The following CENPI variants were observed in gnomAD, a reference collection of about 807,000 sequenced individuals.
The protein encoded by CENPI is FSH primary response 1.
A neutral mutation model predicts 60.4 loss-of-function variants in CENPI; 4 were observed. That is an observed-to-expected ratio of 0.07 (90% CI 0.03 to 0.15). The LOEUF is 0.15. Among genes scored for constraint, CENPI ranks in the 10% least tolerant of loss-of-function variants. The pLI, the probability that CENPI is intolerant of heterozygous loss-of-function variation, is 1.00. For missense variants in CENPI, 444 were observed against 534.5 expected, an observed-to-expected ratio of 0.83 and a Z score of 1.67; for synonymous variants, 157 against 189.4, an observed-to-expected ratio of 0.83 and a Z score of 1.40.
intron 16 of CENPI, 88 bp from the exon 17 acceptor site, chrX:101,144,976 C>T: frequency 1.3e-6 from 1 of 774,845 alleles, no homozygotes; most frequent in Non-Finnish European, 1.8e-6. Context: ...TCCTCACCAA[C>T]ATTTTGCTTT....
At chrX:101,149,198 T>C (rs1317203619) in intron 20 of CENPI, among the ~76,000 whole-genome samples, 1 of 111,697 alleles carries the variant, frequency 9.0e-6, no homozygotes, top group Non-Finnish European at 1.9e-5. Context: ...TCAGCAGACT[T>C]TTCTTGTAGA....
intron 15 of CENPI, among the ~76,000 whole-genome samples, chrX:101,135,804 T>A (rs774159102): frequency 8.1e-5 from 9 of 111,791 alleles, no homozygotes; most frequent in African/African-American, 2.9e-4. Context: ...TACTGCAACC[T>A]CCGCCTAGCG....
chrX:101,136,019 G>A (rs1272982227), intron 15 of CENPI, among the ~76,000 whole-genome samples: 3 of 112,204 alleles, frequency 2.7e-5, no homozygotes, highest in Non-Finnish European at 5.6e-5. Context: ...CACTGTGCCC[G>A]ACCTGTATAT....
At chrX:101,162,468 A>AT (rs1459488102) in intron 21 of CENPI, among the ~76,000 whole-genome samples, 29 of 90,767 alleles carry the variant, frequency 3.2e-4, no homozygotes, top group African/African-American at 1.1e-3. Flanking sequence ...AAAAAAAAAA[A>AT]AAAAAATATA....
chrX:101,134,996 A>G (rs1454748403), intron 15 of CENPI, among the ~76,000 whole-genome samples: 3 of 108,388 alleles, frequency 2.8e-5, no homozygotes, highest in African/African-American at 1.0e-4. Context: ...TCTGGGCAAC[A>G]GAACAAGATT....
intron 4 of CENPI, among the ~76,000 whole-genome samples, chrX:101,109,085 T>TG (rs1171721400): frequency 1.1e-5 from 1 of 94,432 alleles, no homozygotes. Context: ...GTTTTTTTTT[T>TG]TTTTTTTTTT....
At chrX:101,140,361 G>A (rs931035140) in intron 15 of CENPI, among the ~76,000 whole-genome samples, 5 of 112,306 alleles carry the variant, frequency 4.5e-5, no homozygotes, top group Non-Finnish European at 9.4e-5. Flanking sequence ...TGATAAAGAT[G>A]CTGTTTTTAT....
the CENPI span, among the ~76,000 whole-genome samples, chrX:101,176,617 GGTTT>G: frequency 2.7e-5 from 3 of 111,285 alleles, no homozygotes; most frequent in East Asian, 2.8e-4. Flanking sequence ...CTTTTTAATG[GGTTT>G]GTTTGTTTTA....
rs376213076 is a variant in CENPI, at chrX:101,115,057, G to A, written c.591+5059G>A. 3.9e-4 allele frequency among the ~76,000 whole-genome samples: 42 copies of A among 107,527 alleles called. 1 individual carries two copies. In the East Asian group the frequency reaches 6.8e-3, roughly 17 times the overall value. The allele number at this position is 107,527 out of a possible 115,157, so 93.4% of individuals were successfully genotyped here. A position where few individuals can be genotyped will look rare whatever the true frequency, so the allele number is the denominator to read the frequency against. ...CAGCTCACTGCAACGTCCACCTCCCGGGTTCAAGTGATTCTCCTGCCTCAG... is the reference window on the plus strand; with the variant it reads ...CAGCTCACTGCAACGTCCACCTCCCAGGTTCAAGTGATTCTCCTGCCTCAG... On this transcript the variant is annotated intron_variant, in intron 6 of 21. Coordinates refer to ENST00000682095, the MANE Select transcript of CENPI (RefSeq NM_001386188.2).
intron 4 of CENPI, among the ~76,000 whole-genome samples, chrX:101,106,106 C>T (rs1180601506): frequency 9.0e-6 from 1 of 111,219 alleles, no homozygotes. Context: ...AATTAAGTCA[C>T]TTGGAAGTAA....
chrX:101,169,039 T>C (rs1344171626), downstream of CENPI, among the ~76,000 whole-genome samples: 1 of 111,850 alleles, frequency 8.9e-6, no homozygotes, highest in African/African-American at 3.2e-5. Context: ...CTATGTTTAA[T>C]TAAAGGGAGA....
intron 8 of CENPI, among the ~76,000 whole-genome samples, chrX:101,126,273 A>G (rs1173111008): frequency 8.9e-6 from 1 of 112,008 alleles, no homozygotes; most frequent in Admixed American, 9.5e-5. Context: ...TGGCATACCA[A>G]TTGTAATTTC....
At chrX:101,173,607 C>G in the CENPI span, among the ~76,000 whole-genome samples, 7 of 110,413 alleles carry the variant, frequency 6.3e-5, no homozygotes, top group African/African-American at 2.0e-4. Context: ...TCAGAAATGA[C>G]AAAGATTACA....
the CENPI span, among the ~76,000 whole-genome samples, chrX:101,173,011 A>ATTTTTTTTTT: frequency 4.4e-5 from 3 of 68,693 alleles, no homozygotes; most frequent in African/African-American, 6.1e-5. Flanking sequence ...AGTTGTAGGA[A>ATTTTTTTTTT]TTTTTTTTTT....
chrX:101,132,691 C>T (rs1043583818), intron 15 of CENPI, among the ~76,000 whole-genome samples: 2 of 111,456 alleles, frequency 1.8e-5, no homozygotes, highest in Non-Finnish European at 3.8e-5. Flanking sequence ...ACATAGTGAA[C>T]GAACAAGTGG....
chrX:101,109,319 G>T (rs1424450786), intron 4 of CENPI, among the ~76,000 whole-genome samples, 154 bp from the exon 5 acceptor site: 1 of 110,751 alleles, frequency 9.0e-6, no homozygotes, highest in African/African-American at 3.3e-5. Context: ...AACTTCAGGT[G>T]ATCTGCCCAC....
intron 6 of CENPI, among the ~76,000 whole-genome samples, chrX:101,119,502 G>A: frequency 8.9e-6 from 1 of 111,803 alleles, no homozygotes; most frequent in Middle Eastern, 4.6e-3. Flanking sequence ...ATTCAACTCT[G>A]CTGGTGTGGT....
At chrX:101,141,836 A>C (rs1251877103) in intron 16 of CENPI, among the ~76,000 whole-genome samples, 1 of 110,606 alleles carries the variant, frequency 9.0e-6, no homozygotes, top group Non-Finnish European at 1.9e-5. Context: ...AGGCTCAAGC[A>C]ATCCTCCCAC....
chrX:101,145,441 A>T (rs2089953738), intron 17 of CENPI, among the ~76,000 whole-genome samples: 1 of 110,697 alleles, frequency 9.0e-6, no homozygotes, highest in African/African-American at 3.3e-5. Flanking sequence ...ACCTGTGTTA[A>T]TACTGGCCCT....
Sources: allele counts gnomAD v4.1 joint callset (sites outside exome capture counted in the v4.1 genomes callset), GRCh38; gene constraint gnomAD v4.1.1; transcripts MANE v1.5; gene names NCBI Gene and HGNC (gene_info 2026-07-23, HGNC 2026-07-21).